Variants in CEP43 observed in about 807,000 individuals in gnomAD.
The protein encoded by CEP43 is centrosomal protein 43.
In CEP43, 36 loss-of-function variants were observed where a neutral mutation model predicts 52.6. That is an observed-to-expected ratio of 0.68 (90% CI 0.52 to 0.90). The LOEUF is 0.90. CEP43 is among the 40% of genes least tolerant of loss of function. CEP43 has a pLI of 0.00. For synonymous variants in CEP43, 192 were observed against 172.4 expected (o/e 1.11, Z -0.89); for missense variants, 506 against 472.8 (o/e 1.07, Z -0.65).
rs1177168107 is a variant in CEP43, at chr6:167,047,958, T to G, written c.*7980T>G. The G allele has an allele frequency of 6.6e-6, 1 of 152,208 alleles. No individual in the cohort carries two copies. The highest frequency in any genetic ancestry group is 2.4e-5 in the African/African-American group (1 of 41,454). The allele number at this position is 152,208 out of a possible 1,614,324, so 9.4% of individuals were successfully genotyped here. ...TATGAGACTAGAAAAACAACAATTC[T>G]TAGTATACCACAGACTGTGGTGCCT... On this transcript the variant is annotated 3_prime_UTR_variant, in exon 13 of 13. Transcript: ENST00000366847.
chr6:167,034,898 T>C (rs1240818318), intron 12 of CEP43, among the ~76,000 whole-genome samples: 1 of 152,222 alleles, frequency 6.6e-6, no homozygotes, highest in Admixed American at 6.5e-5. Flanking sequence ...TATACCCTTA[T>C]AATTATAAAT....
In CEP43 at chr6:167,013,581, G is replaced by C; in HGVS notation, c.579+14G>C. ...GCTGGTGACAAGGTAACATGCATGA[G>C]GGCAGAGGAGAAAAGCAGCCTGTGG... On this transcript the variant is annotated intron_variant, in intron 7 of 12. Transcript: ENST00000366847. 2 of 1,612,432 alleles carry C rather than the reference G, an allele frequency of 1.2e-6. No homozygotes were observed. Among genetic ancestry groups the C allele is most frequent in the Non-Finnish European group, 1.7e-6 (2 of 1,178,604 alleles).
chr6:167,027,924 C>T, intron 10 of CEP43: 1 of 985,892 alleles, frequency 1.0e-6, no homozygotes. Context: ...CCCTGGAGTC[C>T]TGGTAACTGA....
intron 8 of CEP43, 60 bp from the exon 9 acceptor site, chr6:167,024,722 A>G: frequency 4.4e-6 from 5 of 1,147,726 alleles, no homozygotes; most frequent in Non-Finnish European, 5.1e-6. Flanking sequence ...CTGTGGCAGA[A>G]TAAAAGTGTT....
At chr6:167,033,445 G>T (rs76624051) in intron 11 of CEP43, among the ~76,000 whole-genome samples, 2,614 of 152,226 alleles carry the variant, frequency 0.017, 42 homozygotes, top group East Asian at 0.091. Context: ...AATATGTAAT[G>T]TAGAAGTAAT....
chr6:167,028,141 C>T, intron 10 of CEP43: 1 of 985,706 alleles, frequency 1.0e-6, no homozygotes, highest in Non-Finnish European at 1.2e-6. Context: ...CCGCCTTGTC[C>T]CCTTTGTGTT....
intron 10 of CEP43, chr6:167,027,889 G>A (rs867263101): frequency 2.0e-6 from 2 of 985,564 alleles, no homozygotes; most frequent in South Asian, 9.4e-5. Flanking sequence ...TCCCTGAGCT[G>A]CCCGGATTCT....
chr6:166,999,639 G>A (rs936985553), intron 1 of CEP43, 125 bp downstream of exon 1: 2 of 617,666 alleles, frequency 3.2e-6, no homozygotes, highest in Non-Finnish European at 4.9e-6. Context: ...GGGCACTGGG[G>A]GCGCGCCCCG....
rs1253650069 is a variant in CEP43, at chr6:167,051,480, T to A, written c.*11502T>A. On this transcript the variant is annotated 3_prime_UTR_variant, in exon 13 of 13. Transcript: ENST00000366847. ...TCAAGATGGAGTTGGTTAGATCAGA[T>A]CTCTTTCACTGTTATAATTTTCTCA... 2 of 152,228 alleles carry A rather than the reference T, an allele frequency of 1.3e-5. No individual in the cohort carries two copies. The highest frequency in any genetic ancestry group is 2.4e-5 in the African/African-American group (1 of 41,454). The allele number at this position is 152,228 out of a possible 1,614,324, so 9.4% of individuals were successfully genotyped here. A position where few individuals can be genotyped will look rare whatever the true frequency, so the allele number is the denominator to read the frequency against.
At chr6:167,016,525 G>A (rs1780103494) in intron 7 of CEP43, among the ~76,000 whole-genome samples, 1 of 152,188 alleles carries the variant, frequency 6.6e-6, no homozygotes, top group Non-Finnish European at 1.5e-5. Context: ...GCCTCCCAAA[G>A]TGCTGGGATT....
In CEP43 at chr6:167,040,168, T is replaced by G. The variant is rs193240204; in HGVS notation, c.*190T>G. On this transcript the variant is annotated 3_prime_UTR_variant, in exon 13 of 13. Coordinates refer to ENST00000366847, the MANE Select transcript of CEP43 (RefSeq NM_007045.4). ...AAAATACTTCCTATTTGAGCCCATGTGTGGAAGATTTAATATTCTTAATTT... is the reference window on the plus strand; with the variant it reads ...AAAATACTTCCTATTTGAGCCCATGGGTGGAAGATTTAATATTCTTAATTT... 147 of 1,533,678 alleles carry G rather than the reference T, an allele frequency of 9.6e-5. 3 individuals carry two copies. The East Asian group carries it at 3.5e-3, about 37-fold the overall frequency.
chr6:167,019,274 A>C (rs1034104869), intron 7 of CEP43, among the ~76,000 whole-genome samples: 1 of 146,612 alleles, frequency 6.8e-6, no homozygotes, highest in African/African-American at 2.6e-5. Context: ...CCTGCTGTGC[A>C]CACACATACA....
At chr6:167,004,677 C>A (rs1313162679) in intron 5 of CEP43, among the ~76,000 whole-genome samples, 3 of 56,776 alleles carry the variant, frequency 5.3e-5, no homozygotes, top group Non-Finnish European at 7.3e-5. Flanking sequence ...CTCCTCGTTG[C>A]CTCACTTGAT....
chr6:167,020,679 C>T (rs1342849678), intron 7 of CEP43, among the ~76,000 whole-genome samples: 3 of 152,096 alleles, frequency 2.0e-5, no homozygotes, highest in Non-Finnish European at 2.9e-5. Flanking sequence ...GAGGCCGAGG[C>T]GGGTGGATCA....
chr6:167,034,346 G>A (rs1456240344), intron 12 of CEP43, among the ~76,000 whole-genome samples: 1 of 152,220 alleles, frequency 6.6e-6, no homozygotes, highest in Non-Finnish European at 1.5e-5. Flanking sequence ...GGAGTGCAGA[G>A]AGTGTGGTCA....
At chr6:167,005,296 G>C (rs1779827444) in intron 5 of CEP43, among the ~76,000 whole-genome samples, 1 of 152,230 alleles carries the variant, frequency 6.6e-6, no homozygotes, top group Non-Finnish European at 1.5e-5. Flanking sequence ...AGAAACTTCT[G>C]TGTCTCTGAA....
intron 7 of CEP43, among the ~76,000 whole-genome samples, chr6:167,019,068 C>T (rs1221977579): frequency 6.6e-6 from 1 of 152,182 alleles, no homozygotes; most frequent in Non-Finnish European, 1.5e-5. Context: ...TCCAGTCAGC[C>T]ACATGGTCAC....
In CEP43 at chr6:167,026,646, G is replaced by A. The variant is rs368901489; in HGVS notation, c.988+31G>A. 44 of 1,324,716 alleles carry A rather than the reference G, an allele frequency of 3.3e-5. No homozygotes were observed. In the African/African-American group the frequency reaches 3.7e-4, roughly 11 times the overall value. 82.1% of individuals were successfully genotyped at this position (1,324,716 alleles called of 1,614,324 possible). A position where few individuals can be genotyped will look rare whatever the true frequency, so the allele number is the denominator to read the frequency against. ...TAGATTTCTAGTTTTTGTGCTGATC[G>A]TTTTAAAGTGATTATTTTTAGGGTA... On this transcript the variant is annotated intron_variant, in intron 10 of 12. Transcript: ENST00000366847.
At chr6:167,012,415 A>T (rs571054659) in intron 6 of CEP43, among the ~76,000 whole-genome samples, 1 of 152,142 alleles carries the variant, frequency 6.6e-6, no homozygotes, top group African/African-American at 2.4e-5. Context: ...CCAGTGATAG[A>T]GTAAGGTCAT....
Sources: allele counts gnomAD v4.1 joint callset (sites outside exome capture counted in the v4.1 genomes callset), GRCh38; gene constraint gnomAD v4.1.1; transcripts MANE v1.5; gene names NCBI Gene and HGNC (gene_info 2026-07-23, HGNC 2026-07-21).